The following RAD21 variants were observed in gnomAD, a reference collection of about 807,000 sequenced individuals.
RAD21 encodes RAD21 cohesin complex component.
In RAD21, 18 loss-of-function variants were observed where a neutral mutation model predicts 71.5. The ratio of observed to expected loss-of-function variants is 0.25; its 90% CI spans 0.17 to 0.37. The LOEUF (loss-of-function observed/expected upper bound fraction) is 0.37, where lower values mean the gene tolerates loss of function less well. Ranked by LOEUF, RAD21 falls within the 10% of genes least tolerant of loss-of-function variation. The probability of loss-of-function intolerance (pLI) is 1.00; values close to 1 mark genes in which losing one functional copy is unlikely to be tolerated. For missense variants in RAD21, 493 were observed against 769.1 expected, an observed-to-expected ratio of 0.64 and a Z score of 4.25; for synonymous variants, 248 against 254.0, an observed-to-expected ratio of 0.98 and a Z score of 0.22.
At chr8:116,851,798 G>T in intron 11 of RAD21, 150 bp downstream of exon 11, 1 of 743,106 alleles carries the variant, frequency 1.3e-6, no homozygotes, top group Non-Finnish European at 2.2e-6. Flanking sequence ...CGAGTGGACT[G>T]TCTATATCCT....
chr8:116,863,092 A>AAAC lies in RAD21; in HGVS notation c.274+35_274+37dup, dbSNP rs112562183. 0.037 allele frequency: 58,595 copies of AAAC among 1,573,672 alleles called. 3,084 individuals carry two copies. The highest frequency in any genetic ancestry group is 0.22 in the African/African-American group (16,030 of 73,088). ...CAAAAAACATGAGAAACTCCAAAGT[A>AAAC]AACAACAACAACAAAAACCAAACAA... On this transcript the variant is annotated intron_variant, in intron 3 of 13. Transcript: ENST00000297338.
chr8:116,868,942 C>A (rs1185226859), intron 1 of RAD21, among the ~76,000 whole-genome samples: 1 of 151,398 alleles, frequency 6.6e-6, no homozygotes, highest in Non-Finnish European at 1.5e-5. Flanking sequence ...ACACACCCCC[C>A]ACAAAACAAA....
chr8:116,874,253 CTCCCCTCCCTCCGCAGCCCAGGGTT>C (rs1812918357), intron 1 of RAD21: 1 of 152,302 alleles, frequency 6.6e-6, no homozygotes, highest in African/African-American at 2.4e-5. Flanking sequence ...TTCAAACCTC[CTCCCCTCCCTCCGCAGCCCAGGGTT>C]TCCCCGGCCT....
rs1478053595 is a variant in RAD21 at position 116,847,663 on chromosome 8, G to C, written c.1733C>G (p.Ser578Cys). 1 of 1,613,730 alleles carries C rather than the reference G, an allele frequency of 6.2e-7. No homozygotes were observed. The highest frequency in any genetic ancestry group is 2.2e-5 in the East Asian group (1 of 44,878). Residue 578 changes from serine to cysteine, a missense_variant, in exon 14 of 14, where the codon TCT becomes TGT. Ser to Cys is a moderately radical substitution (Grantham distance 112). Transcript: ENST00000297338. ...QRALAKTGAE[S>C]ISLLELCRNT... The stretch of plus-strand genomic sequence containing the variant: ...TCGACATAACTCAAGCAAACTGATA[G>C]ATTCAGCTCCAGTTTTAGCAAGAGC...
chr8:116,871,300 A>G (rs1278809176), intron 1 of RAD21, among the ~76,000 whole-genome samples: 1 of 152,214 alleles, frequency 6.6e-6, no homozygotes, highest in Admixed American at 6.5e-5. Context: ...ATTTGATACC[A>G]GAGCACAACT....
chr8:116,855,857 C>T (rs906191881), intron 8 of RAD21, among the ~76,000 whole-genome samples: 3 of 152,168 alleles, frequency 2.0e-5, no homozygotes, highest in Admixed American at 2.0e-4. Flanking sequence ...CCCCAGGAGA[C>T]TAAGATATGC....
rs111318458 is a variant in RAD21, at chr8:116,864,411, T to C, written c.145-1152A>G. ...TTTATGTGTATTTTCTACAGCACTCTAGGACCCTACTTATGACTCTCAGGT... is the reference window on the plus strand; with the variant it reads ...TTTATGTGTATTTTCTACAGCACTCCAGGACCCTACTTATGACTCTCAGGT... On this transcript the variant is annotated intron_variant, in intron 2 of 13. Coordinates refer to ENST00000297338, the MANE Select transcript of RAD21 (RefSeq NM_006265.3). Among the ~76,000 whole-genome samples the C allele has an allele frequency of 1.4e-3, 220 of 152,284 alleles. 2 individuals carry two copies. Among genetic ancestry groups the C allele is most frequent in the African/African-American group, 4.9e-3 (204 of 41,570 alleles).
Position 116,874,725 on chromosome 8 carries a change from C to A in RAD21, c.-147G>T, listed in dbSNP as rs987592569. On this transcript the variant is annotated 5_prime_UTR_variant, in exon 1 of 14. Coordinates refer to ENST00000297338, the MANE Select transcript of RAD21 (RefSeq NM_006265.3). ...CGAGGTGTAGCTTCCGAGCAGCTCC[C>A]GCCGCCGCCACAGCCGGCGCCTCCT... is the stretch of plus-strand genomic sequence containing the variant. The A allele has an allele frequency of 2.2e-6, 1 of 451,434 alleles. No individual in the cohort carries two copies. Among genetic ancestry groups the A allele is most frequent in the Middle Eastern group, 3.7e-4 (1 of 2,706 alleles). 28.0% of individuals were successfully genotyped at this position (451,434 alleles called of 1,614,324 possible). A position where few individuals can be genotyped will look rare whatever the true frequency, so the allele number is the denominator to read the frequency against.
At chr8:116,862,979 C>T in intron 3 of RAD21, 151 bp downstream of exon 3, 1 of 1,013,764 alleles carries the variant, frequency 9.9e-7, no homozygotes, top group Non-Finnish European at 1.4e-6. Context: ...ACTGCCTCCC[C>T]AAGCCTTGCT....
At position 116,847,690 on chromosome 8, in the gene RAD21, C is replaced by T. The variant is rs767839436; in HGVS notation, c.1706G>A (p.Arg569His). Residue 569 changes from arginine (R) to histidine (H), a missense_variant and splice_region_variant, in exon 14 of 14, where the codon CGT (arginine) becomes CAT (histidine). Arg to His is a conservative substitution (Grantham distance 29, BLOSUM62 0). This residue lies in a region of RAD21 where 225 missense variants were observed against 218.3 expected (regional missense o/e 1.03). Transcript: ENST00000297338. The stretch of plus-strand genomic sequence containing the variant: ...TTCAGCTCCAGTTTTAGCAAGAGCA[C>T]GCTGAAATAAAACCAAAAAAGGGTA... ...RTQQMLHGLQ[R>H]ALAKTGAESI... 7.5e-6 allele frequency: 12 copies of T among 1,609,748 alleles called. No homozygotes were observed. Among genetic ancestry groups the T allele is most frequent in the East Asian group, 4.5e-5 (2 of 44,818 alleles).
At chr8:116,848,031 T>G (rs34222878) in intron 13 of RAD21, among the ~76,000 whole-genome samples, 1,801 of 152,320 alleles carry the variant, frequency 0.012, 41 homozygotes, top group African/African-American at 0.04. Flanking sequence ...ACTATAAGCT[T>G]TCTGAGGCCT....
chr8:116,862,174 G>A (rs559240298), intron 3 of RAD21, among the ~76,000 whole-genome samples: 11 of 152,080 alleles, frequency 7.2e-5, no homozygotes, highest in Admixed American at 7.2e-4. Flanking sequence ...ATGTTTAAAC[G>A]GACATATCAA....
chr8:116,848,339 T>C (rs10113111), intron 13 of RAD21, among the ~76,000 whole-genome samples: 3,933 of 152,272 alleles, frequency 0.026, 179 homozygotes, highest in African/African-American at 0.09. Flanking sequence ...GCAAAATTGT[T>C]CTGACATGTA....
At position 116,850,724 on chromosome 8, in the gene RAD21, G is replaced by T. The variant is rs1200385681; in HGVS notation, c.1514C>A (p.Pro505His). 1 of 1,613,218 alleles carries T rather than the reference G, an allele frequency of 6.2e-7. No homozygotes were observed. Reference protein sequence around the residue: ...EQMEIPPVELPPEEPPNICQL... With the variant: ...EQMEIPPVELHPEEPPNICQL... The stretch of plus-strand genomic sequence containing the variant: ...ACAGATATTTGGAGGTTCTTCTGGG[G>T]GAAGCTCTACAGGTGGTATTTCCAT... Residue 505 changes from proline to histidine, a missense_variant, in exon 12 of 14, where the codon CCC (proline) becomes CAC (histidine). By Grantham distance (77) the Pro-to-His change is moderately conservative. Transcript: ENST00000297338.
intron 1 of RAD21, among the ~76,000 whole-genome samples, chr8:116,873,172 T>G (rs1416676263): frequency 1.3e-5 from 2 of 152,210 alleles, no homozygotes; most frequent in Non-Finnish European, 2.9e-5. Context: ...AATTAGAAAA[T>G]TTCCATTCTG....
intron 11 of RAD21, 54 bp from the exon 12 acceptor site, chr8:116,850,821 T>C (rs1283701803): frequency 7.2e-6 from 9 of 1,258,426 alleles, no homozygotes; most frequent in Non-Finnish European, 1.0e-5. Flanking sequence ...AAGTAGCTTA[T>C]TTTAAATATG....
intron 13 of RAD21, among the ~76,000 whole-genome samples, chr8:116,848,637 A>T (rs1812292147): frequency 6.6e-6 from 1 of 152,150 alleles, no homozygotes; most frequent in Non-Finnish European, 1.5e-5. Flanking sequence ...AGGCATACAA[A>T]GGAGTTGTGT....
chr8:116,852,150 T>C (rs1035749602), intron 10 of RAD21, 54 bp from the exon 11 acceptor site: 5 of 1,439,280 alleles, frequency 3.5e-6, no homozygotes, highest in African/African-American at 1.4e-5. Context: ...TGAACAGTAT[T>C]ATAGAACCAT....
At chr8:116,866,821 A>T in intron 1 of RAD21, 60 bp from the exon 2 acceptor site, 2 of 1,187,956 alleles carry the variant, frequency 1.7e-6, no homozygotes, top group Non-Finnish European at 2.2e-6. Context: ...ACTTATCAAG[A>T]CATAAGAAAT....
Sources: allele counts gnomAD v4.1 joint callset (sites outside exome capture counted in the v4.1 genomes callset), GRCh38; gene constraint gnomAD v4.1.1; regional missense constraint gnomAD v4.1.1; transcripts MANE v1.5; gene names NCBI Gene and HGNC (gene_info 2026-07-23, HGNC 2026-07-21).